Variants in STK3 observed in about 807,000 individuals in gnomAD.
STK3 encodes serine/threonine kinase 3.
STK3 carries 41 observed loss-of-function variants against 58.0 expected under a neutral mutation model. That is an observed-to-expected ratio of 0.71 (90% CI 0.55 to 0.92). The LOEUF is 0.92. Among genes scored for constraint, STK3 ranks in the 40% least tolerant of loss-of-function variants. STK3 has a pLI of 0.00. For missense variants in STK3, 479 were observed against 602.7 expected, an observed-to-expected ratio of 0.79 and a Z score of 2.15; for synonymous variants, 170 against 191.0, an observed-to-expected ratio of 0.89 and a Z score of 0.91.
downstream of STK3, among the ~76,000 whole-genome samples, chr8:98,450,669 T>C (rs1397329685): frequency 1.3e-5 from 2 of 152,214 alleles, no homozygotes; most frequent in African/African-American, 2.4e-5. Flanking sequence ...GAACGCCACG[T>C]ATATCCTAAA....
At chr8:98,814,371 C>G (rs920464406) in intron 1 of STK3, among the ~76,000 whole-genome samples, 1 of 136,624 alleles carries the variant, frequency 7.3e-6, no homozygotes, top group African/African-American at 2.7e-5. Context: ...TTTTTTTTGT[C>G]ACCCAAGCGC....
At chr8:98,733,074 T>C (rs1164676608) in intron 4 of STK3, among the ~76,000 whole-genome samples, 2 of 152,178 alleles carry the variant, frequency 1.3e-5, no homozygotes, top group Non-Finnish European at 2.9e-5. Context: ...GAGACAGAAA[T>C]AAAATTTGAG....
chr8:98,654,917 G>T (rs574652832), intron 6 of STK3, among the ~76,000 whole-genome samples: 1 of 151,620 alleles, frequency 6.6e-6, no homozygotes, highest in Non-Finnish European at 1.5e-5. Context: ...GCCCAAGGTA[G>T]TTTATAGATT....
chr8:98,721,221 C>A, intron 4 of STK3: 1 of 629,212 alleles, frequency 1.6e-6, no homozygotes, highest in Non-Finnish European at 2.0e-6. Context: ...AGAAGAAAAC[C>A]AAAGTAAGTT....
At chr8:98,439,838 T>C (rs1411169696) in intron 1 of STK3, among the ~76,000 whole-genome samples, 1 of 152,220 alleles carries the variant, frequency 6.6e-6, no homozygotes, top group Non-Finnish European at 1.5e-5. Context: ...TTCAGCCCTG[T>C]GGTTCACTGG....
chr8:98,742,472 G>A (rs1212766986), intron 4 of STK3, among the ~76,000 whole-genome samples: 2 of 122,230 alleles, frequency 1.6e-5, no homozygotes, highest in Non-Finnish European at 3.5e-5. Flanking sequence ...CAGAACCAAC[G>A]ACAAAAACCA....
chr8:98,874,476 T>C (rs1177956749), intron 3 of STK3, among the ~76,000 whole-genome samples: 1 of 152,204 alleles, frequency 6.6e-6, no homozygotes, highest in African/African-American at 2.4e-5. Flanking sequence ...TGACAATTTG[T>C]TACGGCAGCC....
At chr8:98,926,246 C>T (rs570391286) in intron 1 of STK3, among the ~76,000 whole-genome samples, 8 of 152,164 alleles carry the variant, frequency 5.3e-5, no homozygotes, top group African/African-American at 1.7e-4. Flanking sequence ...GGTTTCTTTT[C>T]GTGATATTTA....
At chr8:98,817,879 A>C (rs1834654544) in intron 1 of STK3, among the ~76,000 whole-genome samples, 1 of 151,380 alleles carries the variant, frequency 6.6e-6, no homozygotes, top group African/African-American at 2.5e-5. Flanking sequence ...GATGTTTTAA[A>C]AACATAAACT....
chr8:98,710,975 G>A lies in STK3; in HGVS notation c.352-3664C>T, dbSNP rs570356643. Among the ~76,000 whole-genome samples, 17 of 152,302 alleles carry A rather than the reference G, an allele frequency of 1.1e-4. No individual in the cohort carries two copies. In the East Asian group the frequency reaches 2.5e-3, roughly 22 times the overall value. ...GAACGATCAGGCAGCAACATTTGCT[G>A]TTCACCAATATCCACTGTTCTGCAG... On this transcript the variant is annotated intron_variant, in intron 4 of 10. Transcript: ENST00000419617.
chr8:98,601,260 C>T (rs1166962970), intron 6 of STK3, among the ~76,000 whole-genome samples: 1 of 152,132 alleles, frequency 6.6e-6, no homozygotes, highest in Non-Finnish European at 1.5e-5. Flanking sequence ...ACCCCTTAAG[C>T]TGTCACCTAT....
intron 2 of STK3, among the ~76,000 whole-genome samples, chr8:98,774,135 G>A (rs1461012166): frequency 6.6e-6 from 1 of 151,890 alleles, no homozygotes; most frequent in East Asian, 1.9e-4. Context: ...CTATTTCCTT[G>A]TCCTTGTTCT....
At chr8:98,700,110 G>C (rs1289152745) in intron 6 of STK3, among the ~76,000 whole-genome samples, 1 of 152,210 alleles carries the variant, frequency 6.6e-6, no homozygotes, top group African/African-American at 2.4e-5. Flanking sequence ...CTTGCAGTTT[G>C]ATCTCAGACT....
At chr8:98,867,414 C>T (rs185470005) in intron 3 of STK3, among the ~76,000 whole-genome samples, 1 of 151,994 alleles carries the variant, frequency 6.6e-6, no homozygotes, top group Non-Finnish European at 1.5e-5. Context: ...AACCCTGTCT[C>T]GAAAAAATAA....
At chr8:98,891,188 G>A (rs555213973) in intron 1 of STK3, among the ~76,000 whole-genome samples, 1 of 152,340 alleles carries the variant, frequency 6.6e-6, no homozygotes, top group African/African-American at 2.4e-5. Flanking sequence ...GCTCAGCACC[G>A]CATGGTGCAG....
At chr8:98,750,030 T>C (rs891316772) in intron 3 of STK3, among the ~76,000 whole-genome samples, 6 of 152,090 alleles carry the variant, frequency 3.9e-5, no homozygotes, top group African/African-American at 4.8e-5. Flanking sequence ...ATAAACTACA[T>C]ATAGTGATGT....
intron 6 of STK3, among the ~76,000 whole-genome samples, chr8:98,640,883 C>T (rs931946779): frequency 5.3e-5 from 8 of 150,884 alleles, no homozygotes; most frequent in Non-Finnish European, 1.0e-4. Context: ...GATGATCAAA[C>T]TATTTACCAG....
rs764078211 is a variant in STK3, at chr8:98,526,940, G to A, written c.1142-23C>T. ...TTCCTTAGGTAAACAAAGAACATAAGGAAGGTATAAGTTCTTACATTTAAG... is the reference window on the plus strand; with the variant it reads ...TTCCTTAGGTAAACAAAGAACATAAAGAAGGTATAAGTTCTTACATTTAAG... On this transcript the variant is annotated intron_variant, in intron 9 of 10. Coordinates refer to ENST00000419617, the MANE Select transcript of STK3 (RefSeq NM_006281.4). 8 of 1,501,562 alleles carry A rather than the reference G, an allele frequency of 5.3e-6. No individual in the cohort carries two copies. In the African/African-American group the frequency reaches 1.1e-4, roughly 21 times the overall value. The allele number at this position is 1,501,562 out of a possible 1,614,324, so 93.0% of individuals were successfully genotyped here. A position where few individuals can be genotyped will look rare whatever the true frequency, so the allele number is the denominator to read the frequency against.
chr8:98,542,329 C>T (rs1389849771), intron 9 of STK3, among the ~76,000 whole-genome samples: 1 of 152,138 alleles, frequency 6.6e-6, no homozygotes, highest in Non-Finnish European at 1.5e-5. Flanking sequence ...CATCTCAAGT[C>T]GTATCAATAG....
Sources: gnomAD v4.1 joint callset for allele counts (sites outside exome capture counted in the v4.1 genomes callset) on GRCh38, gnomAD v4.1.1 for gene constraint, MANE v1.5 for transcripts, NCBI Gene and HGNC (gene_info 2026-07-23, HGNC 2026-07-21) for gene names.